PTPRN: variants seen among roughly 807,000 people sequenced by gnomAD.
PTPRN encodes receptor-type tyrosine-protein phosphatase-like N.
Under a neutral mutation model 108.5 loss-of-function variants are expected in PTPRN, and 70 were observed. The ratio of observed to expected loss-of-function variants is 0.65; its 90% CI spans 0.53 to 0.79. PTPRN has a LOEUF of 0.79. Ranked by LOEUF, PTPRN falls within the 30% of genes least tolerant of loss-of-function variation. The pLI is 0.00. For missense variants in PTPRN, 1,136 were observed against 1,295.5 expected (o/e 0.88, Z 1.89); for synonymous variants, 496 against 524.6 (o/e 0.95, Z 0.75).
chr2:219,308,847 A>C (rs1574936239), intron 1 of PTPRN: 3 of 1,305,878 alleles, frequency 2.3e-6, no homozygotes, highest in Non-Finnish European at 2.0e-6. Flanking sequence ...TCTCCCCGCC[A>C]CCTCCCCTTC....
intron 19 of PTPRN, 133 bp downstream of exon 19, chr2:219,294,842 G>A: frequency 2.2e-6 from 2 of 923,122 alleles, no homozygotes; most frequent in Non-Finnish European, 3.0e-6. Context: ...GGGAGCGTGG[G>A]GTCTGGAGCG....
chr2:219,308,366 T>A (rs1319077290), intron 1 of PTPRN: 2 of 173,356 alleles, frequency 1.2e-5, no homozygotes, highest in Non-Finnish European at 2.5e-5. Context: ...CGCCAAGGGC[T>A]GGCCTTGGAG....
chr2:219,296,975 G>T lies in PTPRN; in HGVS notation c.2236+10C>A, dbSNP rs1263320561. ...GGGCTGGGCCAGGTGGGCCAGCAGG[G>T]TTCACTCACAGGGCAGGAAGTCAGG... is the stretch of plus-strand genomic sequence containing the variant. On this transcript the variant is annotated intron_variant, in intron 15 of 22. Transcript: ENST00000295718. The surrounding 1 kb of genome is among the most constrained non-coding windows in gnomAD (Gnocchi z 6.0). The T allele has an allele frequency of 6.2e-7, 1 of 1,613,666 alleles. No individual in the cohort carries two copies. The highest frequency in any genetic ancestry group is 2.2e-5 in the East Asian group (1 of 44,882).
At chr2:219,299,852 G>A (rs1045839008) in intron 9 of PTPRN, 66 bp from the exon 10 acceptor site, 12 of 1,552,544 alleles carry the variant, frequency 7.7e-6, no homozygotes, top group Non-Finnish European at 1.1e-5. Flanking sequence ...CTTAAAACAG[G>A]CCACTCCAGG....
intron 3 of PTPRN, among the ~76,000 whole-genome samples, chr2:219,306,459 C>T (rs1328304734): frequency 6.6e-6 from 1 of 152,054 alleles, no homozygotes; most frequent in African/African-American, 2.4e-5. Context: ...TTTAGTGGTC[C>T]CCCTCACCAA....
chr2:219,307,883 A>T, intron 1 of PTPRN, 41 bp from the exon 2 acceptor site: 1 of 1,595,138 alleles, frequency 6.3e-7, no homozygotes, highest in Non-Finnish European at 8.6e-7. Flanking sequence ...ACACCCACTC[A>T]CAGAGAATGG....
rs773780971 is a variant in PTPRN, at chr2:219,301,550, C to T, written c.1126+38G>A. ...GCAGGGCAAGAGGCCTCCATGGAGC[C>T]GGGAGATATTGGTCCCTCCCTCTGC... On this transcript the variant is annotated intron_variant, in intron 7 of 22. Coordinates refer to ENST00000295718, the MANE Select transcript of PTPRN (RefSeq NM_002846.4). 5.0e-6 allele frequency: 8 copies of T among 1,584,750 alleles called. No individual in the cohort carries two copies. In the South Asian group the frequency reaches 5.6e-5, roughly 11 times the overall value.
In PTPRN at chr2:219,309,394, C is replaced by A; in HGVS notation, c.-62G>T. On this transcript the variant is annotated 5_prime_UTR_variant, in exon 1 of 23. Coordinates refer to ENST00000295718, the MANE Select transcript of PTPRN (RefSeq NM_002846.4). ...CCGCAGCGACGCTGGCGGGAGCCTG[C>A]CAGAGGGGCTGAGGCGGGGCTTGCC... 3 of 888,306 alleles carry A rather than the reference C, an allele frequency of 3.4e-6. No homozygotes were observed. The South Asian group carries it at 5.8e-5, about 17-fold the overall frequency. The allele number at this position is 888,306 out of a possible 1,614,324, so 55.0% of individuals were successfully genotyped here.
intron 19 of PTPRN, 68 bp downstream of exon 19, chr2:219,294,907 A>T: frequency 7.3e-7 from 1 of 1,360,764 alleles, no homozygotes; most frequent in Non-Finnish European, 9.5e-7. Flanking sequence ...CTCCAGGCCG[A>T]GCGGCGGGCG....
Position 219,299,758 on chromosome 2 carries a change from G to A in PTPRN, c.1465C>T (p.Leu489=), listed in dbSNP as rs1952294654. 6.2e-7 allele frequency: 1 copy of A among 1,610,234 alleles called. No individual in the cohort carries two copies. Among genetic ancestry groups the A allele is most frequent in the South Asian group, 1.1e-5 (1 of 90,908 alleles). ...ACATGCTCAGCCAGGATCTCCAGCA[G>A]CTTCACTCCTGCAGCCAGGCTCAGG... is the stretch of plus-strand genomic sequence containing the variant. ...KPLSLAAGVK[L]LEILAEHVHM... Residue 489 remains leucine (L), a synonymous_variant, in exon 10 of 23, where the codon CTG becomes TTG. Transcript: ENST00000295718.
At chr2:219,307,389 C>G in intron 3 of PTPRN, 55 bp downstream of exon 3, 1 of 1,427,368 alleles carries the variant, frequency 7.0e-7, no homozygotes, top group Non-Finnish European at 9.8e-7. Flanking sequence ...ATCTTCTTCC[C>G]CACCCATAAC....
At chr2:219,295,176 G>C (rs1030577332) in intron 18 of PTPRN, 35 bp from the exon 19 acceptor site, 3 of 1,593,288 alleles carry the variant, frequency 1.9e-6, no homozygotes, top group Non-Finnish European at 2.6e-6. Context: ...AGCGCCGCGG[G>C]CTGCCCCAGT....
At position 219,300,273 on chromosome 2, in the gene PTPRN, G is replaced by A. The variant is rs1183356837; in HGVS notation, c.1162-14C>T. ...CCCCTCCATTGTCTGTTCAGAAGAG[G>A]GTGGAGGTGTGGCCTCTGGACAGTG... On this transcript the variant is annotated splice_polypyrimidine_tract_variant and intron_variant, in intron 8 of 22. Transcript: ENST00000295718. 2 of 1,544,586 alleles carry A rather than the reference G, an allele frequency of 1.3e-6. No individual in the cohort carries two copies. The highest frequency in any genetic ancestry group is 1.4e-5 in the African/African-American group (1 of 72,916).
rs1039709036 is a variant in PTPRN, at chr2:219,296,486, T to C, written c.2341A>G (p.Ile781Val). 1.6e-5 allele frequency: 26 copies of C among 1,614,026 alleles called. No homozygotes were observed. The highest frequency in any genetic ancestry group is 2.2e-5 in the Non-Finnish European group (26 of 1,180,030). ...TGGGACAGCGGGCCCTGCGTGGCTA[T>C]GTAGGCTGGCATCCGAGGGTCATGC... is the stretch of plus-strand genomic sequence containing the variant. ...IEHDPRMPAY[I>V]ATQGPLSHTI... Residue 781 changes from isoleucine to valine, a missense_variant, in exon 17 of 23, where the codon ATA (isoleucine) becomes GTA (valine). Coordinates refer to ENST00000295718, the MANE Select transcript of PTPRN (RefSeq NM_002846.4). This position sits in a 1 kb window ranked among gnomAD's most constrained non-coding sequence, Gnocchi z 6.0.
At chr2:219,307,900 G>T in intron 1 of PTPRN, 58 bp from the exon 2 acceptor site, 1 of 1,536,464 alleles carries the variant, frequency 6.5e-7, no homozygotes, top group Non-Finnish European at 9.0e-7. Flanking sequence ...ATGGGCAGAT[G>T]GGTGGACAGG....
chr2:219,291,627 T>C (rs1952057446), intron 19 of PTPRN, 104 bp from the exon 20 acceptor site: 1 of 1,177,800 alleles, frequency 8.5e-7, no homozygotes, highest in Non-Finnish European at 1.2e-6. Flanking sequence ...TCTCCCCACC[T>C]GCCCGGGGCA....
At position 219,295,147 on chromosome 2, in the gene PTPRN, C is replaced by G; in HGVS notation, c.2509-6G>C. The G allele has an allele frequency of 6.2e-7, 1 of 1,608,670 alleles. No homozygotes were observed. On this transcript the variant is annotated splice_region_variant and splice_polypyrimidine_tract_variant and intron_variant, in intron 18 of 22. Transcript: ENST00000295718. Reference sequence around the variant, plus strand: ...TGCTCCGACACCAGGTTCACCTGCCCGGCAGGGGCCCAGGCCTGAGCGCCG... The same window carrying G: ...TGCTCCGACACCAGGTTCACCTGCCGGGCAGGGGCCCAGGCCTGAGCGCCG...
chr2:219,301,793 G>A (rs560261766), intron 6 of PTPRN, 74 bp from the exon 7 acceptor site: 1,334 of 1,512,480 alleles, frequency 8.8e-4, no homozygotes, highest in Non-Finnish European at 1.1e-3. Flanking sequence ...GTGAGTGAGG[G>A]TGGGAAGGGA....
At chr2:219,294,201 G>GGA in intron 19 of PTPRN, 1 of 482,458 alleles carries the variant, frequency 2.1e-6, no homozygotes, top group Non-Finnish European at 4.3e-6. Flanking sequence ...CAGCTGTGAG[G>GGA]GAGAGAGAGA....
Sources: allele counts gnomAD v4.1 joint callset (sites outside exome capture counted in the v4.1 genomes callset), GRCh38; gene constraint gnomAD v4.1.1; non-coding constraint Gnocchi (gnomAD v3.1); transcripts MANE v1.5; gene names NCBI Gene and HGNC (gene_info 2026-07-23, HGNC 2026-07-21).